PLEKHA6: variants seen among roughly 807,000 people sequenced by gnomAD.
PLEKHA6 encodes pleckstrin homology domain-containing family A member 6.
PLEKHA6 carries 60 observed loss-of-function variants against 116.7 expected under a neutral mutation model. The observed-to-expected ratio is 0.51, with a 90% CI of 0.42 to 0.64. PLEKHA6 has a LOEUF of 0.64. PLEKHA6 is among the 30% of genes least tolerant of loss of function. The probability of loss-of-function intolerance (pLI) is 0.00; values close to 1 mark genes in which losing one functional copy is unlikely to be tolerated. For synonymous variants in PLEKHA6, 489 were observed against 556.1 expected (o/e 0.88, Z 1.70); for missense variants, 1,338 against 1,422.7 (o/e 0.94, Z 0.96).
intron 1 of PLEKHA6, among the ~76,000 whole-genome samples, chr1:204,331,593 G>C (rs2103270940): frequency 6.6e-6 from 1 of 152,320 alleles, no homozygotes; most frequent in South Asian, 2.1e-4. Context: ...TGAATATTCA[G>C]TTTTTAGAGA....
chr1:204,360,739 G>C (rs1454344680), upstream of PLEKHA6, among the ~76,000 whole-genome samples: 2 of 152,116 alleles, frequency 1.3e-5, no homozygotes, highest in African/African-American at 4.8e-5. Context: ...CCTTTCTCTA[G>C]CTCCTGCCCA....
intron 1 of PLEKHA6, among the ~76,000 whole-genome samples, chr1:204,279,411 AT>A (rs1381818693): frequency 6.6e-6 from 1 of 152,176 alleles, no homozygotes; most frequent in Non-Finnish European, 1.5e-5. Context: ...GCAAATTTTC[AT>A]TTTAGTTAGA....
intron 10 of PLEKHA6, 97 bp downstream of exon 10, chr1:204,250,449 C>G: frequency 1.2e-6 from 1 of 827,392 alleles, no homozygotes; most frequent in Non-Finnish European, 2.1e-6. Flanking sequence ...GAGACAGCCC[C>G]CGCAGAGGAA....
intron 8 of PLEKHA6, among the ~76,000 whole-genome samples, chr1:204,258,513 G>A (rs749952818): frequency 1.3e-5 from 2 of 152,166 alleles, no homozygotes; most frequent in African/African-American, 2.4e-5. Context: ...GAGCAGGCCT[G>A]ATGCTCCCAG....
At chr1:204,375,539 T>C (rs1673853214) in intron 1 of PLEKHA6, among the ~76,000 whole-genome samples, 1 of 152,238 alleles carries the variant, frequency 6.6e-6, no homozygotes, top group Non-Finnish European at 1.5e-5. Flanking sequence ...TCGGGCCCCA[T>C]CAGCTGTCTC....
intron 1 of PLEKHA6, chr1:204,307,246 A>G (rs1257407171): frequency 6.6e-6 from 1 of 152,210 alleles, no homozygotes; most frequent in African/African-American, 2.4e-5. Context: ...TCTTTGCCCA[A>G]CATGTGAGTT....
chr1:204,357,336 G>A (rs989712768), intron 1 of PLEKHA6, among the ~76,000 whole-genome samples: 8 of 152,202 alleles, frequency 5.3e-5, no homozygotes, highest in South Asian at 2.1e-4. Flanking sequence ...TCTGAGGGGC[G>A]TCTGAAGGTT....
intron 1 of PLEKHA6, chr1:204,280,548 AC>A (rs1427912261): frequency 9.3e-6 from 7 of 752,396 alleles, no homozygotes; most frequent in Admixed American, 6.3e-5. Context: ...CATCCTGAGG[AC>A]GCCTTGGCTT....
intron 21 of PLEKHA6, among the ~76,000 whole-genome samples, chr1:204,224,575 A>G (rs1439496919): frequency 6.6e-6 from 1 of 152,114 alleles, no homozygotes; most frequent in Non-Finnish European, 1.5e-5. Context: ...GTCATTACAT[A>G]TCTAATACAC....
chr1:204,255,006 C>A (rs776956181), intron 9 of PLEKHA6, among the ~76,000 whole-genome samples: 1 of 152,220 alleles, frequency 6.6e-6, no homozygotes, highest in Admixed American at 6.5e-5. Flanking sequence ...GGAACATTCA[C>A]TGCCTCTTCA....
At chr1:204,270,121 C>A (rs1667294259) in intron 3 of PLEKHA6, among the ~76,000 whole-genome samples, 1 of 152,152 alleles carries the variant, frequency 6.6e-6, no homozygotes, top group Non-Finnish European at 1.5e-5. Flanking sequence ...GCAGTCTTAA[C>A]CTTTCTGACT....
At chr1:204,310,458 C>T (rs889957989) in intron 1 of PLEKHA6, among the ~76,000 whole-genome samples, 2 of 152,318 alleles carry the variant, frequency 1.3e-5, no homozygotes, top group African/African-American at 4.8e-5. Context: ...TGGCCCAGTT[C>T]ACCAAAGTAC....
intron 1 of PLEKHA6, among the ~76,000 whole-genome samples, chr1:204,307,665 C>G (rs559796192): frequency 6.6e-6 from 1 of 152,228 alleles, no homozygotes; most frequent in Non-Finnish European, 1.5e-5. Context: ...ATGGCTTACC[C>G]GCCCTCGCGT....
intron 2 of PLEKHA6, 81 bp downstream of exon 2, chr1:204,274,648 T>A (rs1667826370): frequency 1.1e-5 from 11 of 985,894 alleles, no homozygotes; most frequent in Non-Finnish European, 1.3e-5. Context: ...TGTTGCCTTC[T>A]GCTTTCCAGC....
chr1:204,374,240 T>C (rs907757562), intron 1 of PLEKHA6, among the ~76,000 whole-genome samples: 46 of 152,174 alleles, frequency 3.0e-4, no homozygotes, highest in African/African-American at 1.1e-3. Context: ...GAACTGGGCC[T>C]CGAAGAACTG....
chr1:204,236,058 T>C (rs1662002631), intron 17 of PLEKHA6, among the ~76,000 whole-genome samples: 2 of 152,150 alleles, frequency 1.3e-5, no homozygotes, highest in South Asian at 4.1e-4. Context: ...ACTCGAACTG[T>C]TTGAGTTCTC....
Position 204,359,716 on chromosome 1 carries a change from G to C in PLEKHA6, c.-117C>G. 1 of 976,362 alleles carries C rather than the reference G, an allele frequency of 1.0e-6. No homozygotes were observed. Among genetic ancestry groups the C allele is most frequent in the Non-Finnish European group, 1.2e-6 (1 of 821,738 alleles). 60.5% of individuals were successfully genotyped at this position (976,362 alleles called of 1,614,324 possible). ...CACCGGCTTCTGAGGTGTGATCCCC[G>C]CGCTGGAAAGCTCTAACTCTGCGAG... On this transcript the variant is annotated 5_prime_UTR_variant, in exon 1 of 23. Transcript: ENST00000272203.
At chr1:204,252,089 C>T (rs966297473) in intron 9 of PLEKHA6, among the ~76,000 whole-genome samples, 3 of 151,338 alleles carry the variant, frequency 2.0e-5, no homozygotes. Flanking sequence ...GCCCCCTCTC[C>T]CTGCCCCTGC....
rs756365799 is a variant in PLEKHA6, at chr1:204,257,414, C to T, written c.1463G>A (p.Ser488Asn). 2 of 1,564,654 alleles carry T rather than the reference C, an allele frequency of 1.3e-6. No individual in the cohort carries two copies. Among genetic ancestry groups the T allele is most frequent in the South Asian group, 2.4e-5 (2 of 85,060 alleles). The stretch of plus-strand genomic sequence containing the variant: ...AGCAGGGTCAGCATAGATGTCCTCA[C>T]TGCGAGGTGGCAGCCGCTCAAAACG... ...SARFERLPPR[S>N]EDIYADPAAY... The change falls in exon 9 of 23, where the codon AGT (serine) becomes AAT (asparagine). Residue 488 changes from serine (S) to asparagine (N), a missense_variant. By Grantham distance (46) the Ser-to-Asn change is conservative (BLOSUM62 1). Around this residue, in one of 3 missense-constraint regions of PLEKHA6, gnomAD observed 1,136 missense variants for 1,163.6 expected, o/e 0.98. Transcript: ENST00000272203. The surrounding 1 kb of genome is among the most constrained non-coding windows in gnomAD (Gnocchi z 6.5).
Sources: allele counts gnomAD v4.1 joint callset (sites outside exome capture counted in the v4.1 genomes callset), GRCh38; gene constraint gnomAD v4.1.1; regional missense constraint gnomAD v4.1.1; non-coding constraint Gnocchi (gnomAD v3.1); transcripts MANE v1.5; gene names NCBI Gene and HGNC (gene_info 2026-07-23, HGNC 2026-07-21).